TXNRD1: variants seen among roughly 807,000 people sequenced by gnomAD.
TXNRD1 encodes thioredoxin reductase 1, also known as thioredoxin reductase 1, cytoplasmic.
In TXNRD1, 57 loss-of-function variants were observed where a neutral mutation model predicts 80.3. The ratio of observed to expected loss-of-function variants is 0.71; its 90% CI spans 0.57 to 0.89. The LOEUF is 0.89. TXNRD1 is among the 40% of genes least tolerant of loss of function. The pLI is 0.00. For synonymous variants in TXNRD1, 291 were observed against 285.2 expected, an observed-to-expected ratio of 1.02 and a Z score of -0.20; for missense variants, 730 against 803.0, an observed-to-expected ratio of 0.91 and a Z score of 1.10.
chr12:104,233,099 A>G (rs2032660168), intron 1 of TXNRD1, among the ~76,000 whole-genome samples: 1 of 152,246 alleles, frequency 6.6e-6, no homozygotes, highest in South Asian at 2.1e-4. Context: ...ATGCCTGGGC[A>G]TTTTCAGACA....
chr12:104,296,358 C>G (rs2034434663), intron 4 of TXNRD1, among the ~76,000 whole-genome samples: 1 of 152,102 alleles, frequency 6.6e-6, no homozygotes, highest in African/African-American at 2.4e-5. Context: ...TTTAAGAGAA[C>G]AATGAGGCTG....
chr12:104,232,089 G>A (rs1471592818), intron 1 of TXNRD1, among the ~76,000 whole-genome samples: 2 of 152,180 alleles, frequency 1.3e-5, no homozygotes, highest in East Asian at 3.9e-4. Context: ...AGCAAGAATG[G>A]TTATTTCTGC....
At chr12:104,318,784 G>A in intron 7 of TXNRD1, 129 bp from the exon 8 acceptor site, 1 of 835,038 alleles carries the variant, frequency 1.2e-6, no homozygotes, top group Non-Finnish European at 1.8e-6. Context: ...TGCTCAAAAT[G>A]GAGGATTTGC....
At chr12:104,262,237 A>T (rs2033383425) in intron 3 of TXNRD1, 2 of 150,160 alleles carry the variant, frequency 1.3e-5, no homozygotes, top group Non-Finnish European at 3.0e-5. Flanking sequence ...TGTATTAAAA[A>T]AAAAAAAAAA....
In TXNRD1 at chr12:104,251,613, C is replaced by T; in HGVS notation, c.178C>T (p.Gln60Ter). The T allele has an allele frequency of 6.2e-7, 1 of 1,613,984 alleles. No individual in the cohort carries two copies. Among genetic ancestry groups the T allele is most frequent in the South Asian group, 1.1e-5 (1 of 91,086 alleles). ...CACTGCAGACTCCAGAGCCCTGCTT[C>T]AGGCCTATATAGATGGTCACTCTGT... Reference protein sequence around the residue: ...TATADSRALLQAYIDGHSVVI... With the variant: ...TATADSRALL Residue 60 changes from glutamine to a stop codon, truncating the protein, a stop_gained, in exon 2 of 17, where the codon CAG (glutamine) becomes TAG (stop). Coordinates refer to ENST00000525566, the MANE Select transcript of TXNRD1 (RefSeq NM_001093771.3). LOFTEE classifies it high-confidence loss of function.
chr12:104,304,923 A>T (rs1565890187), intron 4 of TXNRD1: 3 of 1,588,458 alleles, frequency 1.9e-6, no homozygotes, highest in East Asian at 4.5e-5. Context: ...ATGATTACAT[A>T]CTCCTCATAC....
intron 3 of TXNRD1, among the ~76,000 whole-genome samples, chr12:104,279,749 C>T (rs1049621363): frequency 6.6e-6 from 1 of 152,180 alleles, no homozygotes; most frequent in African/African-American, 2.4e-5. Flanking sequence ...GTAATAATTT[C>T]CTTCTTAGAC....
At chr12:104,269,050 G>A (rs1014629032) in intron 3 of TXNRD1, among the ~76,000 whole-genome samples, 7 of 150,036 alleles carry the variant, frequency 4.7e-5, no homozygotes, top group East Asian at 2.0e-4. Flanking sequence ...GATTACAGGC[G>A]CCTGCCACCA....
intron 16 of TXNRD1, among the ~76,000 whole-genome samples, chr12:104,347,225 T>C (rs1214928485): frequency 6.6e-6 from 1 of 152,208 alleles, no homozygotes; most frequent in Non-Finnish European, 1.5e-5. Context: ...AATGCATTTG[T>C]ATTTTAAAAC....
intron 1 of TXNRD1, 87 bp downstream of exon 1, chr12:104,215,980 C>A (rs1014126828): frequency 5.9e-6 from 7 of 1,187,212 alleles, no homozygotes; most frequent in Non-Finnish European, 7.1e-6. Flanking sequence ...TGCCCCGGAG[C>A]CCTGGCCTTG....
In TXNRD1 at chr12:104,246,704, G is replaced by A. The variant is rs186921478; in HGVS notation, c.92-4823G>A. On this transcript the variant is annotated intron_variant, in intron 1 of 16. Transcript: ENST00000525566. The stretch of plus-strand genomic sequence containing the variant: ...TACCCAGCTAATTTTTGTATTTTTA[G>A]TAGAGACTGGGTTTCACCATGTTGA... Among the ~76,000 whole-genome samples, 305 of 151,672 alleles carry A rather than the reference G, an allele frequency of 2.0e-3. 1 individual carries two copies. The highest frequency in any genetic ancestry group is 6.8e-3 in the African/African-American group (283 of 41,392).
chr12:104,262,686 G>A (rs2033392666), intron 3 of TXNRD1: 1 of 152,338 alleles, frequency 6.6e-6, no homozygotes, highest in Non-Finnish European at 1.5e-5. Flanking sequence ...TTGAGTGCCT[G>A]CTGTGCACTA....
At chr12:104,308,851 T>C (rs1477279364) in intron 4 of TXNRD1, among the ~76,000 whole-genome samples, 1 of 152,064 alleles carries the variant, frequency 6.6e-6, no homozygotes, top group Non-Finnish European at 1.5e-5. Context: ...AACTGAATGA[T>C]AGCACTTTCA....
intron 1 of TXNRD1, among the ~76,000 whole-genome samples, chr12:104,221,126 G>T (rs1204149547): frequency 6.6e-6 from 1 of 152,078 alleles, no homozygotes; most frequent in Non-Finnish European, 1.5e-5. Context: ...GCTGGGCATG[G>T]TGGCGTGCGC....
intron 5 of TXNRD1, among the ~76,000 whole-genome samples, chr12:104,311,689 A>G (rs1055303209): frequency 6.6e-6 from 1 of 152,154 alleles, no homozygotes; most frequent in Non-Finnish European, 1.5e-5. Context: ...CAGAGATAAT[A>G]AGGGTGTTGT....
At chr12:104,342,655 A>T (rs902505833) in intron 16 of TXNRD1, among the ~76,000 whole-genome samples, 9 of 152,050 alleles carry the variant, frequency 5.9e-5, no homozygotes, top group South Asian at 4.1e-4. Context: ...AAAAATATAT[A>T]TTTATTTTTT....
chr12:104,279,879 A>G (rs974658678), intron 3 of TXNRD1, among the ~76,000 whole-genome samples: 1 of 152,086 alleles, frequency 6.6e-6, no homozygotes, highest in African/African-American at 2.4e-5. Context: ...CCTGGCCAAC[A>G]TGGTGAAACC....
chr12:104,337,265 T>A (rs898097671), intron 15 of TXNRD1, among the ~76,000 whole-genome samples: 3 of 152,024 alleles, frequency 2.0e-5, no homozygotes, highest in Admixed American at 2.0e-4. Flanking sequence ...GAGTACCATA[T>A]GCAATATATT....
At chr12:104,278,731 G>A (rs533237499) in intron 3 of TXNRD1, among the ~76,000 whole-genome samples, 1 of 151,976 alleles carries the variant, frequency 6.6e-6, no homozygotes, top group South Asian at 2.1e-4. Context: ...TTGATCTCCT[G>A]ACCTCGTGAT....
Sources: gnomAD v4.1 joint callset for allele counts (sites outside exome capture counted in the v4.1 genomes callset) on GRCh38, gnomAD v4.1.1 for gene constraint, MANE v1.5 for transcripts, NCBI Gene and HGNC (gene_info 2026-07-23, HGNC 2026-07-21) for gene names.